CDH10: variants seen among roughly 807,000 people sequenced by gnomAD.
CDH10 encodes the protein cadherin-10.
Under a neutral mutation model 73.1 loss-of-function variants are expected in CDH10, and 30 were observed. That is an observed-to-expected ratio of 0.41 (90% CI 0.31 to 0.56). CDH10 has a LOEUF of 0.56. Among genes scored for constraint, CDH10 ranks in the 20% least tolerant of loss-of-function variants. The probability of loss-of-function intolerance (pLI) is 0.27; values close to 1 mark genes in which losing one functional copy is unlikely to be tolerated. For synonymous variants in CDH10, 345 were observed against 348.2 expected (o/e 0.99, Z 0.10); for missense variants, 815 against 973.7 (o/e 0.84, Z 2.17).
At chr5:24,492,451 G>A (rs1340269537) in intron 10 of CDH10, among the ~76,000 whole-genome samples, 1 of 152,104 alleles carries the variant, frequency 6.6e-6, no homozygotes, top group African/African-American at 2.4e-5. Context: ...TTTGGCTTTG[G>A]TGAATCTGCT....
intron 1 of CDH10, among the ~76,000 whole-genome samples, chr5:24,603,055 G>T (rs1746623486): frequency 6.6e-6 from 1 of 152,084 alleles, no homozygotes; most frequent in South Asian, 2.1e-4. Flanking sequence ...CTAAAAACTA[G>T]AAGATTTCAA....
intron 2 of CDH10, among the ~76,000 whole-genome samples, chr5:24,580,739 T>C (rs996183170): frequency 2.6e-5 from 4 of 152,178 alleles, no homozygotes; most frequent in Non-Finnish European, 5.9e-5. Flanking sequence ...AATTTTCTTA[T>C]AGCTGTTAAA....
intron 1 of CDH10, among the ~76,000 whole-genome samples, chr5:24,610,313 A>C (rs573720995): frequency 6.6e-6 from 1 of 152,354 alleles, no homozygotes; most frequent in African/African-American, 2.4e-5. Flanking sequence ...GTAGAAAAGA[A>C]CATTAAATAG....
chr5:24,613,529 A>AG (rs1747024157), intron 1 of CDH10, among the ~76,000 whole-genome samples: 2 of 150,794 alleles, frequency 1.3e-5, no homozygotes, highest in South Asian at 4.2e-4. Context: ...TGGGAAAAAA[A>AG]AAAAAAAAAA....
At position 24,580,070 on chromosome 5, in the gene CDH10, A is replaced by C. The variant is rs891108499; in HGVS notation, c.231+13190T>G. 2.6e-5 allele frequency among the ~76,000 whole-genome samples: 4 copies of C among 152,266 alleles called. No homozygotes were observed. The East Asian group carries it at 5.8e-4, about 22-fold the overall frequency. Reference sequence around the variant, plus strand: ...AGGAGTCATCCTTAACAACACTCCCAAAAACTCCATATATAATACTTGAGA... The same window carrying C: ...AGGAGTCATCCTTAACAACACTCCCCAAAACTCCATATATAATACTTGAGA... On this transcript the variant is annotated intron_variant, in intron 2 of 11. Coordinates refer to ENST00000264463, the MANE Select transcript of CDH10 (RefSeq NM_006727.5).
At chr5:24,583,676 CACTT>C (rs1745880238) in intron 2 of CDH10, among the ~76,000 whole-genome samples, 2 of 152,162 alleles carry the variant, frequency 1.3e-5, no homozygotes, top group South Asian at 4.1e-4. Flanking sequence ...GACGGAGTCT[CACTT>C]TGTTGCCTAT....
intron 1 of CDH10, among the ~76,000 whole-genome samples, chr5:24,629,307 A>G (rs933509854): frequency 6.6e-6 from 1 of 152,150 alleles, no homozygotes; most frequent in Non-Finnish European, 1.5e-5. Flanking sequence ...TACAATTATG[A>G]ATCTACCCAA....
chr5:24,513,871 C>A (rs207465769), intron 5 of CDH10, among the ~76,000 whole-genome samples: 3 of 152,132 alleles, frequency 2.0e-5, no homozygotes, highest in Admixed American at 2.0e-4. Flanking sequence ...GGGACCTCCT[C>A]AAGAGCTTTC....
intron 5 of CDH10, among the ~76,000 whole-genome samples, chr5:24,529,956 T>C (rs1743671035): frequency 6.6e-6 from 1 of 151,810 alleles, no homozygotes; most frequent in Non-Finnish European, 1.5e-5. Flanking sequence ...CCTTGACTTT[T>C]GTCCCTGTGA....
chr5:24,608,136 C>T (rs753078500), intron 1 of CDH10, among the ~76,000 whole-genome samples: 43 of 152,054 alleles, frequency 2.8e-4, no homozygotes, highest in Non-Finnish European at 5.1e-4. Context: ...AGATTGCCGA[C>T]AGAATTATCC....
At chr5:24,627,615 C>T (rs1338190416) in intron 1 of CDH10, among the ~76,000 whole-genome samples, 1 of 152,026 alleles carries the variant, frequency 6.6e-6, no homozygotes, top group African/African-American at 2.4e-5. Flanking sequence ...AGCCTCAGGT[C>T]CCTCGTTTGT....
intron 2 of CDH10, among the ~76,000 whole-genome samples, chr5:24,580,766 C>T (rs1745770711): frequency 6.6e-6 from 1 of 152,104 alleles, no homozygotes; most frequent in African/African-American, 2.4e-5. Context: ...AAGTCTAAAA[C>T]CAAGGAGATG....
rs1741889895 is a variant in CDH10 at position 24,487,686 on chromosome 5, C to T, written c.2344G>A (p.Gly782Arg). The T allele has an allele frequency of 6.2e-7, 1 of 1,612,490 alleles. No homozygotes were observed. Among genetic ancestry groups the T allele is most frequent in the Non-Finnish European group, 8.5e-7 (1 of 1,179,160 alleles). Residue 782 changes from glycine (G) to arginine (R), a missense_variant, in exon 12 of 12, where the codon GGG becomes AGG. By Grantham distance (125) the Gly-to-Arg change is moderately radical. This residue lies in a region of CDH10 where 241 missense variants were observed against 240.3 expected (regional missense o/e 1.00). Transcript: ENST00000264463. ...CGTTAAGAGTCTTTGTCACTTTCCC[C>T]ACCACCATACATTTCTGCTAGCTTA... ...FNKLAEMYGG[G>R]ESDKDS
At chr5:24,559,538 T>C (rs773268753) in intron 2 of CDH10, among the ~76,000 whole-genome samples, 131 of 152,136 alleles carry the variant, frequency 8.6e-4, no homozygotes, top group Non-Finnish European at 1.6e-3. Context: ...GATCTCTGTA[T>C]ATGGGAAGAG....
intron 11 of CDH10, among the ~76,000 whole-genome samples, chr5:24,488,769 G>A (rs1442533960): frequency 6.7e-6 from 1 of 149,356 alleles, no homozygotes; most frequent in Non-Finnish European, 1.5e-5. Flanking sequence ...ATGTTTCCAT[G>A]AAAATATATA....
At chr5:24,545,217 G>T (rs769348061) in intron 2 of CDH10, among the ~76,000 whole-genome samples, 6 of 152,140 alleles carry the variant, frequency 3.9e-5, no homozygotes, top group Non-Finnish European at 5.9e-5. Context: ...GTCTGAAAAT[G>T]ACATTGAACG....
intron 1 of CDH10, among the ~76,000 whole-genome samples, chr5:24,602,452 C>T (rs1030738323): frequency 6.6e-6 from 1 of 152,144 alleles, no homozygotes; most frequent in Non-Finnish European, 1.5e-5. Flanking sequence ...CATTTCCTGT[C>T]TTCCTTGGAT....
chr5:24,548,689 T>A (rs932508716), intron 2 of CDH10, among the ~76,000 whole-genome samples: 1 of 152,052 alleles, frequency 6.6e-6, no homozygotes, highest in Non-Finnish European at 1.5e-5. Context: ...ACTTAACATA[T>A]AAAATTAATA....
chr5:24,556,191 C>G (rs1455269685), intron 2 of CDH10, among the ~76,000 whole-genome samples: 1 of 152,018 alleles, frequency 6.6e-6, no homozygotes, highest in Non-Finnish European at 1.5e-5. Context: ...GTTAGTATAG[C>G]CATTATGGAA....
Sources: gnomAD v4.1 joint callset for allele counts (sites outside exome capture counted in the v4.1 genomes callset) on GRCh38, gnomAD v4.1.1 for gene constraint, gnomAD v4.1.1 regional missense constraint, MANE v1.5 for transcripts, NCBI Gene and HGNC (gene_info 2026-07-23, HGNC 2026-07-21) for gene names.